TRAF5: variants seen among roughly 807,000 people sequenced by gnomAD.
The protein encoded by TRAF5 is TNF receptor-associated factor 5.
Under a neutral mutation model 64.5 loss-of-function variants are expected in TRAF5, and 48 were observed. The ratio of observed to expected loss-of-function variants is 0.74; its 90% confidence interval spans 0.59 to 0.95. The LOEUF is 0.95. Among genes scored for constraint, TRAF5 ranks in the 40% least tolerant of loss-of-function variants. The pLI is 0.00. For missense variants in TRAF5, 545 were observed against 662.8 expected, an observed-to-expected ratio of 0.82 and a Z score of 1.95; for synonymous variants, 206 against 240.5, an observed-to-expected ratio of 0.86 and a Z score of 1.33.
chr1:211,353,071 G>A (rs1275492341), intron 1 of TRAF5, among the ~76,000 whole-genome samples, 168 bp from the exon 2 acceptor site: 4 of 152,140 alleles, frequency 2.6e-5, no homozygotes, highest in South Asian at 2.1e-4. Flanking sequence ...CACCTTTGCC[G>A]GAGCCCCCTA....
At chr1:211,332,887 A>T (rs1702192783) in intron 1 of TRAF5, among the ~76,000 whole-genome samples, 1 of 152,180 alleles carries the variant, frequency 6.6e-6, no homozygotes, top group African/African-American at 2.4e-5. Flanking sequence ...GTACTTTGGG[A>T]TGTTGCCTCA....
Position 211,365,533 on chromosome 1 carries a change from G to A in TRAF5, c.789+65G>A, listed in dbSNP as rs537736335. The A allele has an allele frequency of 3.5e-4, 467 of 1,317,500 alleles. 2 individuals carry two copies. The highest frequency in any genetic ancestry group is 3.5e-4 in the Non-Finnish European group (331 of 940,932). The allele number at this position is 1,317,500 out of a possible 1,614,324, so 81.6% of individuals were successfully genotyped here. A position where few individuals can be genotyped will look rare whatever the true frequency, so the allele number is the denominator to read the frequency against. On this transcript the variant is annotated intron_variant, in intron 8 of 10. Coordinates refer to ENST00000261464, the MANE Select transcript of TRAF5 (RefSeq NM_001033910.3). ...AATTGCTGGGATTTACCTGCTCTAT[G>A]CTGGTATTTTTCTATTCTCCCCTGT...
chr1:211,337,364 G>A (rs1359000664), intron 1 of TRAF5, among the ~76,000 whole-genome samples: 1 of 152,174 alleles, frequency 6.6e-6, no homozygotes, highest in East Asian at 1.9e-4. Context: ...TGCTGTTCAA[G>A]AAGACGCAAG....
At chr1:211,356,748 G>A (rs4951744) in intron 4 of TRAF5, 205,247 of 299,296 alleles carry the variant, frequency 0.69, 74,111 homozygotes, top group Non-Finnish European at 0.77. Flanking sequence ...AAGAGAGGGC[G>A]TGGGACATGC....
chr1:211,355,365 C>T (rs76728269), intron 3 of TRAF5, among the ~76,000 whole-genome samples: 5,243 of 151,578 alleles, frequency 0.035, 299 homozygotes, highest in African/African-American at 0.12. Context: ...TTTTTGGTTG[C>T]TTGTTCTTTT....
At position 211,359,850 on chromosome 1, in the gene TRAF5, G is replaced by T; in HGVS notation, c.379-62G>T. 3 of 1,605,502 alleles carry T rather than the reference G, an allele frequency of 1.9e-6. No homozygotes were observed. In the South Asian group the frequency reaches 3.3e-5, roughly 18 times the overall value. ...TCTCTCTCCCTCCCTAGGCCTTCCA[G>T]CTGACTTCTTTCCTACCACCCTGGT... On this transcript the variant is annotated intron_variant, in intron 4 of 10. Coordinates refer to ENST00000261464, the MANE Select transcript of TRAF5 (RefSeq NM_001033910.3).
chr1:211,327,281 GTCCCGC>G (rs1702044584), intron 1 of TRAF5, among the ~76,000 whole-genome samples: 1 of 152,128 alleles, frequency 6.6e-6, no homozygotes, highest in Non-Finnish European at 1.5e-5. Flanking sequence ...TTTCAGGCAC[GTCCCGC>G]ACATCCGCAC....
chr1:211,328,974 C>T (rs1424339402), intron 1 of TRAF5, among the ~76,000 whole-genome samples: 2 of 152,150 alleles, frequency 1.3e-5, no homozygotes, highest in South Asian at 4.1e-4. Context: ...TGTTCCCCTG[C>T]TCCAGGCCCC....
At chr1:211,345,169 G>A (rs546105863) in intron 1 of TRAF5, among the ~76,000 whole-genome samples, 6 of 152,142 alleles carry the variant, frequency 3.9e-5, no homozygotes, top group East Asian at 3.9e-4. Flanking sequence ...TACCCACCTC[G>A]GCCTCCCAGA....
At chr1:211,331,023 C>G (rs570683080) in intron 1 of TRAF5, among the ~76,000 whole-genome samples, 2 of 152,306 alleles carry the variant, frequency 1.3e-5, no homozygotes, top group African/African-American at 2.4e-5. Context: ...TCAGAAGCAC[C>G]TTAGACATTT....
chr1:211,346,420 A>T, intron 1 of TRAF5: 1 of 985,400 alleles, frequency 1.0e-6, no homozygotes, highest in Non-Finnish European at 1.2e-6. Flanking sequence ...GGTTTCATGG[A>T]TGGTGAGTGG....
chr1:211,340,321 G>A (rs1702412933), intron 1 of TRAF5, among the ~76,000 whole-genome samples: 1 of 152,220 alleles, frequency 6.6e-6, no homozygotes, highest in African/African-American at 2.4e-5. Context: ...GTCTTGCTCT[G>A]TCACCCAGGC....
rs1703136541 is a variant in TRAF5 at position 211,360,413 on chromosome 1, A to G, written c.544-289A>G. The G allele has an allele frequency of 1.8e-5, 9 of 497,354 alleles. No individual in the cohort carries two copies. In the South Asian group the frequency reaches 2.5e-4, roughly 14 times the overall value. The allele number at this position is 497,354 out of a possible 1,614,324, so 30.8% of individuals were successfully genotyped here. A position where few individuals can be genotyped will look rare whatever the true frequency, so the allele number is the denominator to read the frequency against. ...CAGGATGCAGGCATAAAAAGAAAGC[A>G]TGGGTACCTTTTACATGTCCCGAAG... On this transcript the variant is annotated intron_variant, in intron 5 of 10. Transcript: ENST00000261464.
At chr1:211,333,542 G>A (rs1391453727) in intron 1 of TRAF5, among the ~76,000 whole-genome samples, 3 of 151,934 alleles carry the variant, frequency 2.0e-5, no homozygotes, top group Non-Finnish European at 4.4e-5. Context: ...CTGTCGTTCA[G>A]GCTGGAGTGC....
At chr1:211,356,346 C>T (rs1242790859) in intron 3 of TRAF5, 21 bp from the exon 4 acceptor site, 3 of 1,593,740 alleles carry the variant, frequency 1.9e-6, no homozygotes, top group Non-Finnish European at 2.6e-6. Flanking sequence ...GTGTGTGAGA[C>T]CTATTATGTT....
At chr1:211,351,886 G>C (rs562684694) in intron 1 of TRAF5, among the ~76,000 whole-genome samples, 1 of 152,266 alleles carries the variant, frequency 6.6e-6, no homozygotes, top group Non-Finnish European at 1.5e-5. Context: ...AAGTTTTGAA[G>C]TTGAGTAGTG....
intron 6 of TRAF5, 42 bp from the exon 7 acceptor site, chr1:211,361,046 T>C (rs767253629): frequency 6.3e-7 from 1 of 1,593,432 alleles, no homozygotes; most frequent in Admixed American, 1.7e-5. Context: ...AGTTGGAGAA[T>C]AAGTGATGAA....
intron 10 of TRAF5, among the ~76,000 whole-genome samples, chr1:211,371,813 G>T (rs1328616516): frequency 6.6e-6 from 1 of 152,180 alleles, no homozygotes. Flanking sequence ...AATATTAAAG[G>T]GTTTGGCCAT....
chr1:211,364,381 G>A (rs926837858), intron 7 of TRAF5, among the ~76,000 whole-genome samples: 1 of 152,124 alleles, frequency 6.6e-6, no homozygotes, highest in African/African-American at 2.4e-5. Context: ...AAGAACTAGC[G>A]TTGACTTAAA....
Sources: gnomAD v4.1 joint callset for allele counts (sites outside exome capture counted in the v4.1 genomes callset) on GRCh38, gnomAD v4.1.1 for gene constraint, MANE v1.5 for transcripts, NCBI Gene and HGNC (gene_info 2026-07-23, HGNC 2026-07-21) for gene names.